Variants in GPHN observed in about 807,000 individuals in gnomAD.
GPHN encodes gephyrin.
Under a neutral mutation model 95.5 loss-of-function variants are expected in GPHN, and 17 were observed. The observed-to-expected ratio is 0.18, with a 90% CI of 0.12 to 0.27. The LOEUF (loss-of-function observed/expected upper bound fraction) is 0.27, where lower values mean the gene tolerates loss of function less well. Among genes scored for constraint, GPHN ranks in the 10% least tolerant of loss-of-function variants. The probability of loss-of-function intolerance (pLI) is 1.00; values close to 1 mark genes in which losing one functional copy is unlikely to be tolerated. For missense variants in GPHN, 660 were observed against 978.1 expected, an observed-to-expected ratio of 0.67 and a Z score of 4.34; for synonymous variants, 320 against 322.5, an observed-to-expected ratio of 0.99 and a Z score of 0.08.
chr14:67,588,017 A>T, the GPHN span: 3 of 152,644 alleles, frequency 2.0e-5, no homozygotes, highest in Non-Finnish European at 2.9e-5. Context: ...ACAGAGTTGG[A>T]GAAAAAAGAA....
At chr14:67,225,970 C>CAT in the GPHN span, among the ~76,000 whole-genome samples, 3 of 104,908 alleles carry the variant, frequency 2.9e-5, no homozygotes, top group East Asian at 2.2e-4. Flanking sequence ...TGTGCGCGCG[C>CAT]GCGCGTGCGC....
At chr14:67,006,461 G>A (rs1160737327) in intron 9 of GPHN, among the ~76,000 whole-genome samples, 1 of 152,014 alleles carries the variant, frequency 6.6e-6, no homozygotes, top group Non-Finnish European at 1.5e-5. Context: ...AATTCTGTTT[G>A]GGCTACCATG....
chr14:67,383,717 T>C, the GPHN span: 1 of 377,022 alleles, frequency 2.7e-6, no homozygotes, highest in Non-Finnish European at 5.1e-6. Context: ...GCTTGTGATT[T>C]CCATTTCTGA....
chr14:66,702,958 A>G (rs377732370), intron 2 of GPHN, among the ~76,000 whole-genome samples: 40 of 152,332 alleles, frequency 2.6e-4, no homozygotes, highest in African/African-American at 8.4e-4. Context: ...AAATGACCCT[A>G]TGGAGCTAAA....
At chr14:66,808,671 C>T (rs144333113) in intron 3 of GPHN, among the ~76,000 whole-genome samples, 1 of 152,232 alleles carries the variant, frequency 6.6e-6, no homozygotes, top group Non-Finnish European at 1.5e-5. Context: ...GTGGCCTGTG[C>T]CTGTAATTGC....
the GPHN span, among the ~76,000 whole-genome samples, chr14:67,261,028 T>C: frequency 1.3e-5 from 2 of 152,180 alleles, no homozygotes; most frequent in Non-Finnish European, 2.9e-5. Flanking sequence ...GCTTTTGACA[T>C]TGGACAAGTA....
At chr14:66,801,268 G>A (rs570232734) in intron 3 of GPHN, among the ~76,000 whole-genome samples, 1 of 152,224 alleles carries the variant, frequency 6.6e-6, no homozygotes, top group Non-Finnish European at 1.5e-5. Context: ...ATGTTCATCT[G>A]TGTCTGGGCA....
chr14:67,521,290 G>T, the GPHN span, among the ~76,000 whole-genome samples: 3 of 152,238 alleles, frequency 2.0e-5, no homozygotes, highest in African/African-American at 7.2e-5. Flanking sequence ...TCAGGAATGA[G>T]TGCATTGTGA....
At chr14:66,972,836 A>T (rs887966095) in intron 9 of GPHN, among the ~76,000 whole-genome samples, 1 of 152,172 alleles carries the variant, frequency 6.6e-6, no homozygotes, top group Non-Finnish European at 1.5e-5. Flanking sequence ...GAAAAACAGA[A>T]GATGGCAGTG....
At chr14:66,703,988 AAAG>A (rs1335197552) in intron 2 of GPHN, among the ~76,000 whole-genome samples, 1 of 151,844 alleles carries the variant, frequency 6.6e-6, no homozygotes, top group Non-Finnish European at 1.5e-5. Flanking sequence ...AGAAAGAAAA[AAAG>A]AAAAAAAAAA....
chr14:66,807,124 C>T (rs557686581), intron 3 of GPHN, among the ~76,000 whole-genome samples: 19 of 152,270 alleles, frequency 1.2e-4, no homozygotes, highest in African/African-American at 3.9e-4. Flanking sequence ...TCACATCTTA[C>T]GTAGATGGCA....
chr14:67,577,832 T>C, the GPHN span, among the ~76,000 whole-genome samples: 2 of 152,188 alleles, frequency 1.3e-5, no homozygotes, highest in Non-Finnish European at 2.9e-5. Flanking sequence ...AAAAGGAAAC[T>C]TCTATCCCAA....
intron 1 of GPHN, among the ~76,000 whole-genome samples, chr14:66,561,419 C>T (rs929885133): frequency 1.3e-5 from 2 of 152,044 alleles, no homozygotes; most frequent in African/African-American, 4.8e-5. Context: ...ATTTCAGAGC[C>T]TGTTATTGGT....
chr14:67,620,773 T>C, the GPHN span: 1 of 895,966 alleles, frequency 1.1e-6, no homozygotes, highest in Non-Finnish European at 1.8e-6. Flanking sequence ...GGACAGTCAT[T>C]GATGGAAGGG....
intron 3 of GPHN, among the ~76,000 whole-genome samples, chr14:66,802,948 A>G (rs1201211831): frequency 6.6e-6 from 1 of 151,912 alleles, no homozygotes; most frequent in Non-Finnish European, 1.5e-5. Context: ...ACTCCCTTAG[A>G]TGGTGTCTCA....
the GPHN span, among the ~76,000 whole-genome samples, chr14:67,432,529 C>G: frequency 1.3e-5 from 2 of 152,232 alleles, no homozygotes; most frequent in East Asian, 1.9e-4. Context: ...AAGGACACCT[C>G]TCTTCTGTGT....
intron 1 of GPHN, among the ~76,000 whole-genome samples, chr14:66,581,936 A>G (rs549518800): frequency 1.3e-5 from 2 of 152,178 alleles, no homozygotes; most frequent in African/African-American, 2.4e-5. Flanking sequence ...ACTGCAATAT[A>G]GTGTAGTAGA....
rs567219697 is a variant in GPHN at position 67,041,376 on chromosome 14, C to G, written c.1007-17273C>G. Among the ~76,000 whole-genome samples the G allele has an allele frequency of 7.9e-5, 12 of 151,698 alleles. No homozygotes were observed. In the South Asian group the frequency reaches 1.5e-3, roughly 18 times the overall value. ...ATGTTATCCCTCCCCTAACCCCCCA[C>G]CCCCCAACAGGCCCTGGTGTGTGAT... On this transcript the variant is annotated intron_variant, in intron 10 of 22. Coordinates refer to ENST00000478722, the MANE Select transcript of GPHN (RefSeq NM_020806.5).
the GPHN span, chr14:67,569,664 CTG>C: frequency 1.9e-6 from 1 of 534,072 alleles, no homozygotes; most frequent in Non-Finnish European, 3.4e-6. Context: ...CAGTGGAACA[CTG>C]TGCAAGCCTC....
Sources: allele counts gnomAD v4.1 joint callset (sites outside exome capture counted in the v4.1 genomes callset), GRCh38; gene constraint gnomAD v4.1.1; transcripts MANE v1.5; gene names NCBI Gene and HGNC (gene_info 2026-07-23, HGNC 2026-07-21).